The following PLBD2 variants were observed in gnomAD, a reference collection of about 807,000 sequenced individuals.
PLBD2 encodes phospholipase B domain containing 2, also known as putative aminopeptidase PLBD2.
PLBD2 carries 51 observed loss-of-function variants against 68.3 expected under a neutral mutation model. That is an observed-to-expected ratio of 0.75 (90% CI 0.60 to 0.94). The LOEUF is 0.94. PLBD2 is among the 40% of genes least tolerant of loss of function. The pLI, the probability that PLBD2 is intolerant of heterozygous loss-of-function variation, is 0.00. For missense variants in PLBD2, 729 were observed against 792.2 expected, an observed-to-expected ratio of 0.92 and a Z score of 0.96; for synonymous variants, 314 against 339.3, an observed-to-expected ratio of 0.93 and a Z score of 0.82.
chr12:113,379,520 G>A (rs1048874209), intron 5 of PLBD2, among the ~76,000 whole-genome samples: 1 of 152,140 alleles, frequency 6.6e-6, no homozygotes, highest in African/African-American at 2.4e-5. Context: ...GCGGGTATAA[G>A]GAGTCAATTT....
In PLBD2 at chr12:113,384,016, AAAAAT is replaced by A; in HGVS notation, c.958-88_958-84del. On this transcript the variant is annotated intron_variant, in intron 6 of 11. Coordinates refer to ENST00000280800, the MANE Select transcript of PLBD2 (RefSeq NM_173542.4). This position sits in a 1 kb window ranked among gnomAD's most constrained non-coding sequence, Gnocchi z 4.2. The stretch of plus-strand genomic sequence containing the variant: ...TATCTCAAAAAAAAAAAAAAAAAAA[AAAAAT>A]TTTTGGAGCCATGACTGATGAAGTA... 5.1e-6 allele frequency: 6 copies of A among 1,176,298 alleles called. No homozygotes were observed. The highest frequency in any genetic ancestry group is 6.7e-6 in the Non-Finnish European group (6 of 894,872). The allele number at this position is 1,176,298 out of a possible 1,614,324, so 72.9% of individuals were successfully genotyped here. A position where few individuals can be genotyped will look rare whatever the true frequency, so the allele number is the denominator to read the frequency against.
intron 5 of PLBD2, among the ~76,000 whole-genome samples, chr12:113,379,736 T>A (rs1187162458): frequency 1.3e-5 from 2 of 151,416 alleles, no homozygotes; most frequent in African/African-American, 4.9e-5. Context: ...CGCTTACAAC[T>A]GGGAGGTGGA....
At chr12:113,387,711 GA>G (rs749460069) in intron 10 of PLBD2, 32 bp from the exon 11 acceptor site, 1 of 1,604,198 alleles carries the variant, frequency 6.2e-7, no homozygotes, top group Non-Finnish European at 8.5e-7. Flanking sequence ...TCCTTCCTGG[GA>G]TGACTGATGT....
intron 8 of PLBD2, 69 bp from the exon 9 acceptor site, chr12:113,385,143 C>T (rs778447815): frequency 2.3e-4 from 350 of 1,536,758 alleles, no homozygotes; most frequent in Non-Finnish European, 3.0e-4. Flanking sequence ...CGGGGCTCCC[C>T]GAGCAGGGCA....
chr12:113,358,962 C>T, intron 1 of PLBD2, 72 bp downstream of exon 1: 3 of 1,421,776 alleles, frequency 2.1e-6, no homozygotes, highest in Non-Finnish European at 2.8e-6. Context: ...CTCGCCTGTT[C>T]CCGGGACCGG....
Position 113,384,809 on chromosome 12 carries a change from G to A in PLBD2, c.1119-42G>A, listed in dbSNP as rs1387782141. 1 of 1,546,600 alleles carries A rather than the reference G, an allele frequency of 6.5e-7. No homozygotes were observed. Among genetic ancestry groups the A allele is most frequent in the Non-Finnish European group, 8.9e-7 (1 of 1,120,426 alleles). ...GCAGGGTGGGGAAAGCTGGGGAGGT[G>A]GCTCCAGGCTCTGTTCAGTCCTCCC... On this transcript the variant is annotated intron_variant, in intron 7 of 11. Transcript: ENST00000280800. This position sits in a 1 kb window ranked among gnomAD's most constrained non-coding sequence, Gnocchi z 4.2.
chr12:113,373,342 G>A (rs541260349), intron 3 of PLBD2, among the ~76,000 whole-genome samples: 3 of 152,352 alleles, frequency 2.0e-5, no homozygotes, highest in East Asian at 1.9e-4. Flanking sequence ...TGGATTCCCC[G>A]GAAAATGTCA....
chr12:113,362,195 A>G (rs1358621999), intron 1 of PLBD2, among the ~76,000 whole-genome samples: 1 of 152,104 alleles, frequency 6.6e-6, no homozygotes, highest in Non-Finnish European at 1.5e-5. Flanking sequence ...AAAAAAAGTA[A>G]AAAATTAGCT....
chr12:113,371,330 G>A (rs1957387615), intron 2 of PLBD2, among the ~76,000 whole-genome samples: 1 of 152,244 alleles, frequency 6.6e-6, no homozygotes, highest in Non-Finnish European at 1.5e-5. Context: ...TGGCTGACCA[G>A]GTGGAGGTGC....
At position 113,358,644 on chromosome 12, in the gene PLBD2, G is replaced by C; in HGVS notation, c.44G>C (p.Arg15Pro). 1 of 1,463,666 alleles carries C rather than the reference G, an allele frequency of 6.8e-7. No individual in the cohort carries two copies. Among genetic ancestry groups the C allele is most frequent in the Non-Finnish European group, 9.0e-7 (1 of 1,115,042 alleles). 90.7% of individuals were successfully genotyped at this position (1,463,666 alleles called of 1,614,324 possible). A position where few individuals can be genotyped will look rare whatever the true frequency, so the allele number is the denominator to read the frequency against. ...MYCYPGSHLA[R>P]ALTRALALAL... ...TGCTACCCCGGCAGCCACCTGGCCCGGGCGCTGACGCGGGCGCTGGCGCTG... is the reference window on the plus strand; with the variant it reads ...TGCTACCCCGGCAGCCACCTGGCCCCGGCGCTGACGCGGGCGCTGGCGCTG... The change falls in exon 1 of 12, where the codon CGG becomes CCG. Residue 15 changes from arginine (R) to proline (P), a missense_variant. Coordinates refer to ENST00000280800, the MANE Select transcript of PLBD2 (RefSeq NM_173542.4).
intron 6 of PLBD2, among the ~76,000 whole-genome samples, chr12:113,382,835 T>TTTTTTGTGTGTGTGTG (rs1335785271): frequency 5.3e-4 from 56 of 106,608 alleles, no homozygotes; most frequent in South Asian, 1.3e-3. Context: ...TGGTGGTTTT[T>TTTTTTGTGTGTGTGTG]TGTGTGTGTG....
intron 1 of PLBD2, among the ~76,000 whole-genome samples, chr12:113,368,148 C>A (rs561975163): frequency 6.6e-6 from 1 of 152,172 alleles, no homozygotes; most frequent in South Asian, 2.1e-4. Context: ...TCTAACCAGG[C>A]CTTCAGGTAA....
chr12:113,382,468 G>A (rs1957500425), intron 6 of PLBD2, among the ~76,000 whole-genome samples: 1 of 151,936 alleles, frequency 6.6e-6, no homozygotes. Flanking sequence ...TCAGAGATAG[G>A]ATCTCACACT....
rs1957397939 is a variant in PLBD2 at position 113,372,502 on chromosome 12, A to G, written c.385-147A>G. 1.2e-6 allele frequency: 1 copy of G among 857,244 alleles called. No homozygotes were observed. Among genetic ancestry groups the G allele is most frequent in the Non-Finnish European group, 1.8e-6 (1 of 554,832 alleles). 53.1% of individuals were successfully genotyped at this position (857,244 alleles called of 1,614,324 possible). On this transcript the variant is annotated intron_variant, in intron 2 of 11. Transcript: ENST00000280800. The surrounding 1 kb of genome is among the most constrained non-coding windows in gnomAD (Gnocchi z 4.2). ...ATCCGGGGCAGAGCTGGGCAGGGAG[A>G]GGAGCCTCCAGGGAGAGGACAGCAT...
rs1957484611 is a variant in PLBD2 at position 113,380,934 on chromosome 12, A to AC, written c.957+94dup. On this transcript the variant is annotated intron_variant, in intron 6 of 11. Transcript: ENST00000280800. ...GGATTGATTCCTGCGGCAAGTGGGG[A>AC]CCAGGCTGCAGCCCAGTGCTGGGTG... 3 of 1,245,892 alleles carry AC rather than the reference A, an allele frequency of 2.4e-6. No individual in the cohort carries two copies. In the East Asian group the frequency reaches 7.7e-5, roughly 32 times the overall value. 77.2% of individuals were successfully genotyped at this position (1,245,892 alleles called of 1,614,324 possible).
At position 113,384,351 on chromosome 12, in the gene PLBD2, A is replaced by G. The variant is rs1421488151; in HGVS notation, c.1118+86A>G. ...TAACACTCACACTCCTGGGGACCAG[A>G]TGTGGCATCCGGGCCACACACCCCA... On this transcript the variant is annotated intron_variant, in intron 7 of 11. Transcript: ENST00000280800. The surrounding 1 kb of genome is among the most constrained non-coding windows in gnomAD (Gnocchi z 4.2). 10 of 1,480,750 alleles carry G rather than the reference A, an allele frequency of 6.8e-6. No individual in the cohort carries two copies. Among genetic ancestry groups the G allele is most frequent in the Non-Finnish European group, 8.2e-6 (9 of 1,100,148 alleles). 91.7% of individuals were successfully genotyped at this position (1,480,750 alleles called of 1,614,324 possible).
intron 5 of PLBD2, among the ~76,000 whole-genome samples, chr12:113,378,325 A>C (rs993763239): frequency 2.6e-5 from 4 of 152,034 alleles, no homozygotes; most frequent in African/African-American, 9.7e-5. Flanking sequence ...GGTGGGCTTC[A>C]TGCATGGAAT....
chr12:113,378,610 C>T (rs916735299), intron 5 of PLBD2, among the ~76,000 whole-genome samples: 7 of 151,538 alleles, frequency 4.6e-5, no homozygotes, highest in Non-Finnish European at 8.8e-5. Flanking sequence ...GATCCTCCTG[C>T]CTCAGCCTCC....
chr12:113,372,582 G>A lies in PLBD2; in HGVS notation c.385-67G>A, dbSNP rs543881828. 7.8e-6 allele frequency: 12 copies of A among 1,539,980 alleles called. No individual in the cohort carries two copies. In the East Asian group the frequency reaches 2.5e-4, roughly 32 times the overall value. On this transcript the variant is annotated intron_variant, in intron 2 of 11. Transcript: ENST00000280800. The surrounding 1 kb of genome is among the most constrained non-coding windows in gnomAD (Gnocchi z 4.2). ...GCCTCCGCTCTGGGGCAGCCTGGGT[G>A]GGGGGCTCTCAGGGAAGAGAGCACC...
Sources: allele counts gnomAD v4.1 joint callset (sites outside exome capture counted in the v4.1 genomes callset), GRCh38; gene constraint gnomAD v4.1.1; non-coding constraint Gnocchi (gnomAD v3.1); transcripts MANE v1.5; gene names NCBI Gene and HGNC (gene_info 2026-07-23, HGNC 2026-07-21).